The following SLC44A1 variants were observed in gnomAD, a reference collection of about 807,000 sequenced individuals.
SLC44A1 encodes the protein choline transporter-like protein 1.
A neutral mutation model predicts 79.3 loss-of-function variants in SLC44A1; 26 were observed. The observed-to-expected ratio is 0.33, with a 90% CI of 0.24 to 0.46. The LOEUF (loss-of-function observed/expected upper bound fraction) is 0.46, where lower values mean the gene tolerates loss of function less well. Among genes scored for constraint, SLC44A1 ranks in the 20% least tolerant of loss-of-function variants. The pLI is 1.00. For missense variants in SLC44A1, 688 were observed against 798.1 expected, an observed-to-expected ratio of 0.86 and a Z score of 1.66; for synonymous variants, 263 against 286.2, an observed-to-expected ratio of 0.92 and a Z score of 0.82.
rs1828827736 is a variant in SLC44A1, at chr9:105,394,299, A to G, written c.*5243A>G. The G allele has an allele frequency of 1.0e-6, 1 of 985,374 alleles. No individual in the cohort carries two copies. Among genetic ancestry groups the G allele is most frequent in the Non-Finnish European group, 1.2e-6 (1 of 829,898 alleles). The allele number at this position is 985,374 out of a possible 1,614,324, so 61.0% of individuals were successfully genotyped here. ...ATCATTTTTATAACTTAAAGACTTT[A>G]TGTAATTTAGTAGCAGGTTAGGGAA... On this transcript the variant is annotated 3_prime_UTR_variant, in exon 16 of 16. Transcript: ENST00000374720.
chr9:105,249,632 C>T (rs1829534164), intron 1 of SLC44A1, among the ~76,000 whole-genome samples: 3 of 150,370 alleles, frequency 2.0e-5, no homozygotes. Context: ...TCAAGTGATT[C>T]TACTGCCTCA....
downstream of SLC44A1, among the ~76,000 whole-genome samples, chr9:105,400,580 C>G (rs564853877): frequency 1.3e-5 from 2 of 152,188 alleles, no homozygotes; most frequent in South Asian, 4.1e-4. Flanking sequence ...TTCTTTCTGA[C>G]TCCTGACTCT....
intron 1 of SLC44A1, among the ~76,000 whole-genome samples, chr9:105,296,821 T>C (rs1350193192): frequency 6.6e-6 from 1 of 152,194 alleles, no homozygotes; most frequent in Non-Finnish European, 1.5e-5. Flanking sequence ...GAGAATTATG[T>C]CAAATTATTT....
intron 15 of SLC44A1, among the ~76,000 whole-genome samples, chr9:105,422,303 T>G (rs1035605477): frequency 1.4e-5 from 2 of 146,950 alleles, no homozygotes; most frequent in African/African-American, 5.1e-5. Context: ...TTTTTTTTTT[T>G]TTTTGAGACA....
chr9:105,250,254 A>C (rs907916931), intron 1 of SLC44A1, among the ~76,000 whole-genome samples: 1 of 152,182 alleles, frequency 6.6e-6, no homozygotes, highest in Non-Finnish European at 1.5e-5. Context: ...TAAATTTCAC[A>C]CCACCATTTT....
chr9:105,330,394 T>C (rs1310863786), intron 3 of SLC44A1, among the ~76,000 whole-genome samples: 1 of 152,254 alleles, frequency 6.6e-6, no homozygotes, highest in African/African-American at 2.4e-5. Context: ...GGCTAAAGCC[T>C]GTAATGCTTT....
intron 3 of SLC44A1, among the ~76,000 whole-genome samples, chr9:105,313,258 G>GC (rs1381755142): frequency 4.6e-5 from 7 of 152,198 alleles, no homozygotes; most frequent in African/African-American, 1.4e-4. Context: ...TTATTCTACT[G>GC]CCTTCAGTTT....
chr9:105,324,213 G>A (rs1317770536), intron 3 of SLC44A1, among the ~76,000 whole-genome samples: 2 of 150,408 alleles, frequency 1.3e-5, no homozygotes, highest in East Asian at 2.0e-4. Context: ...TCCTGACCTC[G>A]TGATCAGGAT....
chr9:105,303,258 G>A (rs1407518147), intron 2 of SLC44A1, among the ~76,000 whole-genome samples: 2 of 151,852 alleles, frequency 1.3e-5, no homozygotes, highest in African/African-American at 2.4e-5. Flanking sequence ...TGAAGCTTGG[G>A]CCCAAAAGGC....
At chr9:105,321,804 G>A (rs1462688387) in intron 3 of SLC44A1, among the ~76,000 whole-genome samples, 3 of 146,698 alleles carry the variant, frequency 2.0e-5, no homozygotes, top group Non-Finnish European at 4.5e-5. Flanking sequence ...GAGAGTTATA[G>A]TATTTTAATT....
chr9:105,364,500 A>G (rs1827881713), intron 9 of SLC44A1, 55 bp from the exon 10 acceptor site: 6 of 1,515,924 alleles, frequency 4.0e-6, no homozygotes, highest in Non-Finnish European at 4.5e-6. Flanking sequence ...TAACTGCCGT[A>G]TTTCTGGATT....
At chr9:105,314,758 A>C (rs1412182289) in intron 3 of SLC44A1, among the ~76,000 whole-genome samples, 2 of 152,160 alleles carry the variant, frequency 1.3e-5, no homozygotes, top group Non-Finnish European at 2.9e-5. Context: ...ATTTTATTTG[A>C]GCTCTTTTCA....
At chr9:105,359,526 G>T (rs1367927414) in intron 7 of SLC44A1, among the ~76,000 whole-genome samples, 1 of 152,076 alleles carries the variant, frequency 6.6e-6, no homozygotes, top group Non-Finnish European at 1.5e-5. Context: ...GATTAAATTA[G>T]ATCACATCTA....
intron 3 of SLC44A1, among the ~76,000 whole-genome samples, chr9:105,322,399 T>C (rs1826421514): frequency 6.6e-6 from 1 of 152,114 alleles, no homozygotes; most frequent in Non-Finnish European, 1.5e-5. Flanking sequence ...TGTTAATGAG[T>C]AGAAGAGTGT....
chr9:105,391,630 A>G lies in SLC44A1; in HGVS notation c.*2574A>G. 1.1e-5 allele frequency: 11 copies of G among 985,360 alleles called. No individual in the cohort carries two copies. The highest frequency in any genetic ancestry group is 1.3e-5 in the Non-Finnish European group (11 of 829,898). 61.0% of individuals were successfully genotyped at this position (985,360 alleles called of 1,614,324 possible). A position where few individuals can be genotyped will look rare whatever the true frequency, so the allele number is the denominator to read the frequency against. On this transcript the variant is annotated 3_prime_UTR_variant, in exon 16 of 16. Transcript: ENST00000374720. ...ACAGAGGATTTTAAGCAATATTTAA[A>G]TGTGTTGAGGTTATGTTTGGATATT... is the stretch of plus-strand genomic sequence containing the variant.
At chr9:105,426,484 T>C (rs1829324387) in intron 15 of SLC44A1, among the ~76,000 whole-genome samples, 1 of 152,212 alleles carries the variant, frequency 6.6e-6, no homozygotes, top group Non-Finnish European at 1.5e-5. Context: ...TCTTTGCATC[T>C]ACTTAAAAAA....
At chr9:105,263,165 T>C (rs1829880116) in intron 1 of SLC44A1, among the ~76,000 whole-genome samples, 1 of 152,240 alleles carries the variant, frequency 6.6e-6, no homozygotes, top group Non-Finnish European at 1.5e-5. Context: ...TCACATACTC[T>C]ACGTGGATTT....
chr9:105,388,522 A>G (rs1828686176), intron 15 of SLC44A1, among the ~76,000 whole-genome samples: 1 of 152,210 alleles, frequency 6.6e-6, no homozygotes, highest in African/African-American at 2.4e-5. Context: ...CTATAAAATA[A>G]TGTTCAGTAA....
At chr9:105,432,187 G>A (rs965008135) in intron 15 of SLC44A1, among the ~76,000 whole-genome samples, 5 of 152,164 alleles carry the variant, frequency 3.3e-5, no homozygotes, top group Non-Finnish European at 5.9e-5. Context: ...CTCTCAAACC[G>A]TTGGGATTAC....
Sources: allele counts gnomAD v4.1 joint callset (sites outside exome capture counted in the v4.1 genomes callset), GRCh38; gene constraint gnomAD v4.1.1; transcripts MANE v1.5; gene names NCBI Gene and HGNC (gene_info 2026-07-23, HGNC 2026-07-21).